POU2F3: variants seen among roughly 807,000 people sequenced by gnomAD.
The protein encoded by POU2F3 is POU class 2 homeobox 3, also known as POU domain, class 2, transcription factor 3.
In POU2F3, 23 loss-of-function variants were observed where a neutral mutation model predicts 59.2. The observed-to-expected ratio is 0.39, with a 90% CI of 0.28 to 0.55. The LOEUF is 0.55. Among genes scored for constraint, POU2F3 ranks in the 20% least tolerant of loss-of-function variants. POU2F3 has a pLI of 0.66. For synonymous variants in POU2F3, 190 were observed against 214.6 expected, an observed-to-expected ratio of 0.89 and a Z score of 1.00; for missense variants, 473 against 544.5, an observed-to-expected ratio of 0.87 and a Z score of 1.31.
intron 1 of POU2F3, among the ~76,000 whole-genome samples, chr11:120,242,075 G>C (rs1938687610): frequency 6.6e-6 from 1 of 152,110 alleles, no homozygotes; most frequent in Admixed American, 6.5e-5. Flanking sequence ...ATGTACCTGG[G>C]GGTAGATTGC....
chr11:120,269,071 G>A lies in POU2F3; in HGVS notation c.98-139G>A. On this transcript the variant is annotated intron_variant, in intron 2 of 12. Transcript: ENST00000543440. ...CGTTTCCAGGAAACAGGTCGAGGAG[G>A]AGGATCCCAACCACAAGCGAAGCAG... The A allele has an allele frequency of 1.7e-5, 10 of 605,252 alleles. No homozygotes were observed. The South Asian group carries it at 2.0e-4, about 12-fold the overall frequency. The allele number at this position is 605,252 out of a possible 1,614,324, so 37.5% of individuals were successfully genotyped here.
At chr11:120,286,952 C>T (rs990378941) in intron 3 of POU2F3, among the ~76,000 whole-genome samples, 25 of 152,234 alleles carry the variant, frequency 1.6e-4, no homozygotes, top group Admixed American at 1.4e-3. Flanking sequence ...CAGTGGACCA[C>T]AAGCAGGGTC....
chr11:120,251,961 A>G (rs549428095), intron 2 of POU2F3, among the ~76,000 whole-genome samples: 2 of 151,362 alleles, frequency 1.3e-5, no homozygotes, highest in African/African-American at 4.9e-5. Context: ...CACCCAGCTA[A>G]TTTTTTGTAT....
chr11:120,240,551 G>T (rs1201716985), intron 1 of POU2F3, among the ~76,000 whole-genome samples, 180 bp downstream of exon 1: 7 of 149,200 alleles, frequency 4.7e-5, no homozygotes, highest in African/African-American at 1.7e-4. Flanking sequence ...AAAGGGAGGG[G>T]ATCTGGGATA....
intron 5 of POU2F3, chr11:120,302,028 G>A: frequency 2.3e-6 from 1 of 434,846 alleles, no homozygotes. Context: ...TCTCCAGACA[G>A]GCGGGCAGGT....
intron 3 of POU2F3, among the ~76,000 whole-genome samples, chr11:120,295,371 C>T (rs1941166157): frequency 6.6e-6 from 1 of 152,214 alleles, no homozygotes; most frequent in Non-Finnish European, 1.5e-5. Flanking sequence ...AGAGGCTGTT[C>T]TACCAGCATG....
chr11:120,299,593 C>T, intron 4 of POU2F3, 31 bp from the exon 5 acceptor site: 1 of 1,592,624 alleles, frequency 6.3e-7, no homozygotes, highest in Non-Finnish European at 8.6e-7. Flanking sequence ...CTTGTAAATT[C>T]TGTGGTGTAT....
chr11:120,288,128 C>CAAAAAAAAAAAAAAAAAAAAAAACAAAA, intron 3 of POU2F3, among the ~76,000 whole-genome samples: 17 of 63,304 alleles, frequency 2.7e-4, no homozygotes, highest in South Asian at 7.1e-4. Flanking sequence ...ACAAAAAAAC[C>CAAAAAAAAAAAAAAAAAAAAAAACAAAA]AAAAAAAAAA....
chr11:120,236,837 G>A (rs1938515760), upstream of POU2F3: 8 of 893,608 alleles, frequency 9.0e-6, no homozygotes, highest in South Asian at 3.1e-5. Flanking sequence ...GACTTAGAGG[G>A]CACCCCAGCC....
chr11:120,304,758 C>G (rs1941437789), intron 6 of POU2F3, among the ~76,000 whole-genome samples: 1 of 151,980 alleles, frequency 6.6e-6, no homozygotes, highest in Admixed American at 6.6e-5. Flanking sequence ...AAAAGTGAGT[C>G]ACAGGCTAAA....
At chr11:120,299,399 T>C (rs1941280886) in intron 4 of POU2F3, among the ~76,000 whole-genome samples, 1 of 152,162 alleles carries the variant, frequency 6.6e-6, no homozygotes, top group South Asian at 2.1e-4. Flanking sequence ...TAAGTAACAA[T>C]ATGTAGTAAG....
rs773254665 is a variant in POU2F3 at position 120,302,368 on chromosome 11, G to C, written c.444G>C (p.Gln148His). ...LPQTGPGLAS[Q>H]AFGHPGLPGS... ...AGACTGGGCCGGGACTGGCATCCCA[G>C]GTAAACAACCCCATTCTTCCTGTTT... The change falls in exon 6 of 13, where the codon CAG (glutamine) becomes CAC (histidine). Residue 148 changes from glutamine (Q) to histidine (H), a missense_variant and splice_region_variant. By Grantham distance (24) the Gln-to-His change is conservative. Coordinates refer to ENST00000543440, the MANE Select transcript of POU2F3 (RefSeq NM_014352.4). 6.3e-7 allele frequency: 1 copy of C among 1,594,870 alleles called. No individual in the cohort carries two copies. Among genetic ancestry groups the C allele is most frequent in the South Asian group, 1.1e-5 (1 of 90,594 alleles).
At chr11:120,288,723 C>T (rs941887014) in intron 3 of POU2F3, among the ~76,000 whole-genome samples, 12 of 142,220 alleles carry the variant, frequency 8.4e-5, no homozygotes, top group African/African-American at 2.0e-4. Flanking sequence ...TTGCCTACTG[C>T]GAGACAGTGA....
intron 2 of POU2F3, among the ~76,000 whole-genome samples, chr11:120,264,319 G>A (rs1240347487): frequency 6.6e-6 from 1 of 152,204 alleles, no homozygotes. Flanking sequence ...AGGAGGCAGA[G>A]GTTGCAGTAA....
chr11:120,246,651 G>A, intron 2 of POU2F3, 134 bp downstream of exon 2: 1 of 844,112 alleles, frequency 1.2e-6, no homozygotes, highest in Non-Finnish European at 1.9e-6. Flanking sequence ...AGGAACTAAG[G>A]GAATTCCCTG....
At chr11:120,262,982 T>A (rs1365834461) in intron 2 of POU2F3, among the ~76,000 whole-genome samples, 1,071 of 105,786 alleles carry the variant, frequency 0.01, 12 homozygotes, top group African/African-American at 0.045. Context: ...TTTATTTATT[T>A]ATTTATTTAT....
intron 10 of POU2F3, among the ~76,000 whole-genome samples, chr11:120,311,304 T>C (rs1239454344): frequency 6.6e-6 from 1 of 152,152 alleles, no homozygotes; most frequent in East Asian, 1.9e-4. Flanking sequence ...GGACAAAGGA[T>C]GGCTTGAAAG....
At chr11:120,298,507 G>C in intron 4 of POU2F3, 117 bp downstream of exon 4, 1 of 1,405,978 alleles carries the variant, frequency 7.1e-7, no homozygotes. Context: ...GTGGGAAAGA[G>C]ATCTGGAGGC....
At chr11:120,246,273 A>T (rs1455820874) in intron 1 of POU2F3, among the ~76,000 whole-genome samples, 176 bp from the exon 2 acceptor site, 1 of 152,062 alleles carries the variant, frequency 6.6e-6, no homozygotes, top group Non-Finnish European at 1.5e-5. Flanking sequence ...GGAGGAGGGG[A>T]TCCGTGCCCT....
Sources: gnomAD v4.1 joint callset for allele counts (sites outside exome capture counted in the v4.1 genomes callset) on GRCh38, gnomAD v4.1.1 for gene constraint, MANE v1.5 for transcripts, NCBI Gene and HGNC (gene_info 2026-07-23, HGNC 2026-07-21) for gene names.